SH3D21: variants seen among roughly 807,000 people sequenced by gnomAD.
SH3D21 encodes SH3 domain-containing protein 21.
A neutral mutation model predicts 82.1 loss-of-function variants in SH3D21; 83 were observed. The observed-to-expected ratio is 1.01, with a 90% CI of 0.85 to 1.21. The LOEUF is 1.21. Ranked by LOEUF, SH3D21 falls within the 50% of genes most tolerant of loss-of-function variation. The pLI is 0.00. For synonymous variants in SH3D21, 383 were observed against 387.8 expected (o/e 0.99, Z 0.15); for missense variants, 980 against 962.1 (o/e 1.02, Z -0.25).
intron 10 of SH3D21, among the ~76,000 whole-genome samples, chr1:36,313,515 G>A (rs1003102210): frequency 2.6e-5 from 4 of 152,026 alleles, no homozygotes; most frequent in East Asian, 1.9e-4. Flanking sequence ...GTGGAGTTAC[G>A]TGTTTTTAAC....
chr1:36,308,047 G>A, intron 7 of SH3D21, 62 bp from the exon 8 acceptor site: 18 of 1,548,304 alleles, frequency 1.2e-5, no homozygotes, highest in Non-Finnish European at 1.6e-5. Flanking sequence ...TGATGGAGGT[G>A]GGGGCTGCTG....
chr1:36,322,839 G>T, downstream of SH3D21: 1 of 1,488,092 alleles, frequency 6.7e-7, no homozygotes, highest in Non-Finnish European at 9.2e-7. Flanking sequence ...CCTACTCGAA[G>T]GGCATTAGGG....
chr1:36,319,362 G>A (rs899484614), intron 12 of SH3D21, 50 bp downstream of exon 12: 2 of 1,551,038 alleles, frequency 1.3e-6, no homozygotes, highest in African/African-American at 2.7e-5. Flanking sequence ...ACAGGGATGG[G>A]GTGGCTGTGC....
In SH3D21 at chr1:36,315,096, G is replaced by A. The variant is rs543399137; in HGVS notation, c.770-3975G>A. ...TTGAGAACAGCCTGACCAGCATGGCGAAACCCTGTCTCTACCAAAAAATAC... is the reference window on the plus strand; with the variant it reads ...TTGAGAACAGCCTGACCAGCATGGCAAAACCCTGTCTCTACCAAAAAATAC... On this transcript the variant is annotated intron_variant, in intron 10 of 15. Transcript: ENST00000453908. Among the ~76,000 whole-genome samples, 24 of 152,064 alleles carry A rather than the reference G, an allele frequency of 1.6e-4. No individual in the cohort carries two copies. In the East Asian group the frequency reaches 4.3e-3, roughly 27 times the overall value.
chr1:36,327,384 G>T (rs1378632475), downstream of SH3D21, among the ~76,000 whole-genome samples: 1 of 152,206 alleles, frequency 6.6e-6, no homozygotes, highest in African/African-American at 2.4e-5. Flanking sequence ...GCTACAGTGT[G>T]CTTGTATGAC....
downstream of SH3D21, chr1:36,322,441 C>T (rs745604875): frequency 1.2e-6 from 2 of 1,604,080 alleles, no homozygotes; most frequent in Non-Finnish European, 1.7e-6. Flanking sequence ...CGCTCCAGCT[C>T]CTCCGCCGAC....
chr1:36,325,809 G>T (rs1488388884), downstream of SH3D21, among the ~76,000 whole-genome samples: 2 of 152,252 alleles, frequency 1.3e-5, no homozygotes, highest in African/African-American at 4.8e-5. Flanking sequence ...CTCCCAAAGT[G>T]CAGGGATTAC....
chr1:36,321,123 A>T lies in SH3D21; in HGVS notation c.2267A>T (p.Tyr756Phe). The change falls in exon 16 of 16, where the codon TAC (tyrosine) becomes TTC (phenylalanine). Residue 756 changes from tyrosine (Y) to phenylalanine (F), a missense_variant. Physicochemically the swap from Tyr to Phe is conservative, Grantham distance 22 (BLOSUM62 3). Transcript: ENST00000453908. This position sits in a 1 kb window ranked among gnomAD's most constrained non-coding sequence, Gnocchi z 6.1. ...GTCATCCACACGCAGACGCAGACCTACTGAGGGTGGGCCTGGGAAGGGACC... is the reference window on the plus strand; with the variant it reads ...GTCATCCACACGCAGACGCAGACCTTCTGAGGGTGGGCCTGGGAAGGGACC... ...PRVIHTQTQT[Y>F] The T allele has an allele frequency of 6.2e-7, 1 of 1,610,946 alleles. No homozygotes were observed. The highest frequency in any genetic ancestry group is 8.5e-7 in the Non-Finnish European group (1 of 1,178,934).
downstream of SH3D21, chr1:36,322,575 A>C (rs1373468929): frequency 6.3e-7 from 1 of 1,584,278 alleles, no homozygotes; most frequent in Admixed American, 1.8e-5. Flanking sequence ...CTCGGGCTCC[A>C]GGGTGCTGCT....
intron 10 of SH3D21, 25 bp downstream of exon 10, chr1:36,309,615 T>C: frequency 6.4e-7 from 1 of 1,551,336 alleles, no homozygotes; most frequent in Non-Finnish European, 8.7e-7. Context: ...AGCCTGGGAT[T>C]GGGGGGTGTT....
downstream of SH3D21, chr1:36,322,313 G>A: frequency 6.5e-7 from 1 of 1,548,642 alleles, no homozygotes; most frequent in Non-Finnish European, 8.6e-7. Context: ...AGTGCATGCG[G>A]CCCAGGGTGC....
downstream of SH3D21, chr1:36,322,509 A>G: frequency 3.7e-6 from 6 of 1,602,010 alleles, no homozygotes; most frequent in Non-Finnish European, 3.4e-6. Flanking sequence ...GGGGCCCGGC[A>G]GCGTGTCGTC....
intron 13 of SH3D21, 51 bp downstream of exon 13, chr1:36,319,587 C>G: frequency 6.4e-7 from 1 of 1,551,130 alleles, no homozygotes; most frequent in Non-Finnish European, 8.7e-7. Flanking sequence ...GAGGCTGGTT[C>G]CCAGCTGTGG....
rs1287101942 is a variant in SH3D21 at position 36,321,115 on chromosome 1, G to A, written c.2259G>A (p.Thr753=). 1.9e-6 allele frequency: 3 copies of A among 1,611,420 alleles called. No homozygotes were observed. The highest frequency in any genetic ancestry group is 1.1e-5 in the South Asian group (1 of 90,550). The change falls in exon 16 of 16, where the codon ACG becomes ACA. Residue 753 remains threonine (T), a synonymous_variant. Coordinates refer to ENST00000453908, the MANE Select transcript of SH3D21 (RefSeq NM_001162530.2). This position sits in a 1 kb window ranked among gnomAD's most constrained non-coding sequence, Gnocchi z 6.1. The part of the protein sequence containing the change: ...SQTPRVIHTQ[T]QTY ...CCCCGCGCGTCATCCACACGCAGAC[G>A]CAGACCTACTGAGGGTGGGCCTGGG...
chr1:36,309,685 T>A lies in SH3D21; in HGVS notation c.769+95T>A. 3.6e-6 allele frequency: 5 copies of A among 1,393,164 alleles called. No homozygotes were observed. In the South Asian group the frequency reaches 5.0e-5, roughly 14 times the overall value. 86.3% of individuals were successfully genotyped at this position (1,393,164 alleles called of 1,614,324 possible). Reference sequence around the variant, plus strand: ...CACCCACAGCACCCCAGTGGTCCAGTATGCCCCTATAGGAGCCCCCTCACC... The same window carrying A: ...CACCCACAGCACCCCAGTGGTCCAGAATGCCCCTATAGGAGCCCCCTCACC... On this transcript the variant is annotated intron_variant, in intron 10 of 15. Coordinates refer to ENST00000453908, the MANE Select transcript of SH3D21 (RefSeq NM_001162530.2).
intron 10 of SH3D21, among the ~76,000 whole-genome samples, chr1:36,313,992 T>TTTTTTTTTTTTTTTTTTTTTTTTTTAA (rs71053921): frequency 9.4e-6 from 1 of 106,820 alleles, no homozygotes; most frequent in Admixed American, 1.2e-4. Flanking sequence ...TTTTTTTTTT[T>TTTTTTTTTTTTTTTTTTTTTTTTTTAA]GAGACGGAGT....
Position 36,320,742 on chromosome 1 carries a change from G to A in SH3D21, c.2079G>A (p.Leu693=). ...NKNEGVDVTS[L]RGEVESLRRA... is the part of the protein sequence containing the mutation. Reference sequence around the variant, plus strand: ...ATGAAGGAGTTGATGTAACGTCGCTGAGGGGCGAGGTGGAGTCTCTAAGGA... The same window carrying A: ...ATGAAGGAGTTGATGTAACGTCGCTAAGGGGCGAGGTGGAGTCTCTAAGGA... The change falls in exon 14 of 16, where the codon CTG becomes CTA. Residue 693 remains leucine (L), a synonymous_variant. Transcript: ENST00000453908. 6.2e-7 allele frequency: 1 copy of A among 1,606,932 alleles called. No individual in the cohort carries two copies.
At position 36,306,521 on chromosome 1, in the gene SH3D21, G is replaced by A. The variant is rs1646122862; in HGVS notation, c.5-77G>A. 2 of 1,303,736 alleles carry A rather than the reference G, an allele frequency of 1.5e-6. No individual in the cohort carries two copies. The highest frequency in any genetic ancestry group is 2.0e-6 in the Non-Finnish European group (2 of 988,420). 80.8% of individuals were successfully genotyped at this position (1,303,736 alleles called of 1,614,324 possible). ...ACCCCCGCTGCCCTCTACGGTGCTTGGGGACACGCCCGCCCTAGCCAGGCT... is the reference window on the plus strand; with the variant it reads ...ACCCCCGCTGCCCTCTACGGTGCTTAGGGACACGCCCGCCCTAGCCAGGCT... On this transcript the variant is annotated intron_variant, in intron 1 of 15. Transcript: ENST00000453908. The surrounding 1 kb of genome is among the most constrained non-coding windows in gnomAD (Gnocchi z 4.5).
chr1:36,325,771 G>C (rs955196569), downstream of SH3D21, among the ~76,000 whole-genome samples: 1 of 152,084 alleles, frequency 6.6e-6, no homozygotes, highest in Non-Finnish European at 1.5e-5. Flanking sequence ...GTCTCGATCT[G>C]CTGACCTCGT....
Sources: allele counts gnomAD v4.1 joint callset (sites outside exome capture counted in the v4.1 genomes callset), GRCh38; gene constraint gnomAD v4.1.1; non-coding constraint Gnocchi (gnomAD v3.1); transcripts MANE v1.5; gene names NCBI Gene and HGNC (gene_info 2026-07-23, HGNC 2026-07-21).